Variants in TECPR1 observed in about 807,000 individuals in gnomAD.
TECPR1 encodes tectonin beta-propeller repeat-containing protein 1.
In TECPR1, 122 loss-of-function variants were observed where a neutral mutation model predicts 162.4. The ratio of observed to expected loss-of-function variants is 0.75; its 90% CI spans 0.65 to 0.87. The LOEUF (loss-of-function observed/expected upper bound fraction) is 0.87, where lower values mean the gene tolerates loss of function less well. Ranked by LOEUF, TECPR1 falls within the 40% of genes least tolerant of loss-of-function variation. The pLI, the probability that TECPR1 is intolerant of heterozygous loss-of-function variation, is 0.00. For missense variants in TECPR1, 1,432 were observed against 1,618.2 expected, an observed-to-expected ratio of 0.88 and a Z score of 1.97; for synonymous variants, 642 against 670.6, an observed-to-expected ratio of 0.96 and a Z score of 0.66.
intron 6 of TECPR1, among the ~76,000 whole-genome samples, chr7:98,242,867 C>T (rs1798794209): frequency 9.9e-6 from 1 of 101,202 alleles, no homozygotes; most frequent in African/African-American, 3.3e-5. Context: ...CACACATATA[C>T]CCACCTATCC....
intron 10 of TECPR1, among the ~76,000 whole-genome samples, chr7:98,235,842 A>AAAAAAAAAAC (rs1562940359): frequency 1.5e-5 from 2 of 132,600 alleles, no homozygotes; most frequent in African/African-American, 5.2e-5. Flanking sequence ...AAAAAAAAAA[A>AAAAAAAAAAC]AAAAAAAAAC....
At chr7:98,236,617 C>T (rs1438642617) in intron 10 of TECPR1, among the ~76,000 whole-genome samples, 159 bp downstream of exon 10, 2 of 151,420 alleles carry the variant, frequency 1.3e-5, no homozygotes, top group Non-Finnish European at 2.9e-5. Context: ...AGGAGGGCTT[C>T]GGCTCTTGTG....
intron 23 of TECPR1, among the ~76,000 whole-genome samples, chr7:98,218,602 C>T (rs1798074162): frequency 6.6e-6 from 1 of 152,156 alleles, no homozygotes; most frequent in Non-Finnish European, 1.5e-5. Flanking sequence ...ATCAAATTAA[C>T]CCCTTTTACA....
intron 17 of TECPR1, among the ~76,000 whole-genome samples, chr7:98,226,150 C>A (rs10953245): frequency 0.37 from 56,585 of 152,024 alleles, 12,727 homozygotes; most frequent in Middle Eastern, 0.62. Flanking sequence ...CCCTGTCCTC[C>A]GTCGGAACTG....
At chr7:98,236,691 G>T in intron 10 of TECPR1, 85 bp downstream of exon 10, 1 of 1,515,796 alleles carries the variant, frequency 6.6e-7, no homozygotes. Flanking sequence ...AGTGGGGCAG[G>T]TGGCAGCCTC....
intron 23 of TECPR1, among the ~76,000 whole-genome samples, chr7:98,218,274 C>G (rs1025372526): frequency 6.6e-6 from 1 of 152,220 alleles, no homozygotes; most frequent in Non-Finnish European, 1.5e-5. Context: ...GGGGCGTCCC[C>G]CGAGCCTCAT....
chr7:98,222,609 C>T (rs1798170885), intron 21 of TECPR1, 88 bp from the exon 22 acceptor site: 12 of 1,471,420 alleles, frequency 8.2e-6, no homozygotes, highest in Middle Eastern at 2.4e-4. Context: ...GGGCCTAGCG[C>T]GTGGGCAGCA....
At chr7:98,230,052 G>A (rs1161273172) in intron 15 of TECPR1, among the ~76,000 whole-genome samples, 1 of 149,870 alleles carries the variant, frequency 6.7e-6, no homozygotes, top group Non-Finnish European at 1.5e-5. Flanking sequence ...GTGCCGTGGT[G>A]TGAGTGTGAT....
chr7:98,219,967 C>T (rs1798103408), intron 23 of TECPR1, among the ~76,000 whole-genome samples: 1 of 152,050 alleles, frequency 6.6e-6, no homozygotes, highest in Non-Finnish European at 1.5e-5. Flanking sequence ...CACCACTAAT[C>T]ATCTGAGAAA....
intron 10 of TECPR1, among the ~76,000 whole-genome samples, chr7:98,235,241 T>C (rs1406732233): frequency 1.3e-5 from 2 of 152,098 alleles, no homozygotes; most frequent in African/African-American, 4.8e-5. Flanking sequence ...AACTAACAGC[T>C]GGGGCCAGGC....
chr7:98,247,701 C>T (rs566524213), intron 2 of TECPR1, among the ~76,000 whole-genome samples: 2 of 152,172 alleles, frequency 1.3e-5, no homozygotes, highest in South Asian at 4.1e-4. Context: ...CTGCCATTCT[C>T]TACTCCTTTC....
intron 17 of TECPR1, among the ~76,000 whole-genome samples, chr7:98,225,479 G>A (rs1396284976): frequency 6.6e-6 from 1 of 151,740 alleles, no homozygotes; most frequent in Non-Finnish European, 1.5e-5. Context: ...AGGTTGCAGT[G>A]AGCGGAGATC....
chr7:98,222,565 C>T, intron 21 of TECPR1, 44 bp from the exon 22 acceptor site: 1 of 1,541,018 alleles, frequency 6.5e-7, no homozygotes, highest in Non-Finnish European at 8.7e-7. Flanking sequence ...AGGGCCCCCA[C>T]CCCCAGGGCC....
chr7:98,228,131 G>A lies in TECPR1; in HGVS notation c.2411-15C>T, dbSNP rs1798326336. On this transcript the variant is annotated splice_polypyrimidine_tract_variant and intron_variant, in intron 16 of 25. Transcript: ENST00000447648. ...GCTGGCCAGGCCTGTGGGGAGAGGT[G>A]GCTGCTGGGACCGAGGCCACATACG... 1 of 1,599,702 alleles carries A rather than the reference G, an allele frequency of 6.3e-7. No homozygotes were observed. The highest frequency in any genetic ancestry group is 8.5e-7 in the Non-Finnish European group (1 of 1,171,684).
chr7:98,221,544 C>T lies in TECPR1; in HGVS notation c.3157+117G>A, dbSNP rs148019324. On this transcript the variant is annotated intron_variant, in intron 23 of 25. Transcript: ENST00000447648. ...TGCAGACCATGTTGGCCAGGCTGGTCTCGAACTCCTGATCTCAGGTGATCC... is the reference window on the plus strand; with the variant it reads ...TGCAGACCATGTTGGCCAGGCTGGTTTCGAACTCCTGATCTCAGGTGATCC... 1,889 of 820,674 alleles carry T rather than the reference C, an allele frequency of 2.3e-3. 17 individuals are homozygous for T. Among genetic ancestry groups the T allele is most frequent in the Middle Eastern group, 0.012 (40 of 3,204 alleles). 50.8% of individuals were successfully genotyped at this position (820,674 alleles called of 1,614,324 possible).
At position 98,244,677 on chromosome 7, in the gene TECPR1, A is replaced by T. The variant is rs776224132; in HGVS notation, c.425T>A (p.Ile142Asn). ...PTEKGGWTYA[I>N]DFPATYTKDK... is the part of the protein sequence containing the mutation. ...TTTCGTGTAGGTGGCGGGAAAGTCG[A>T]TGGCGTACGTCCACCCCTGAAACAC... Residue 142 changes from isoleucine to asparagine, a missense_variant, in exon 5 of 26, where the codon ATC becomes AAC. Physicochemically the swap from Ile to Asn is moderately radical, Grantham distance 149. Coordinates refer to ENST00000447648, the MANE Select transcript of TECPR1 (RefSeq NM_015395.3). 5 of 1,611,996 alleles carry T rather than the reference A, an allele frequency of 3.1e-6. No individual in the cohort carries two copies. In the Admixed American group the frequency reaches 8.3e-5, roughly 27 times the overall value.
chr7:98,243,640 C>T, intron 5 of TECPR1, 48 bp from the exon 6 acceptor site: 4 of 1,588,116 alleles, frequency 2.5e-6, no homozygotes, highest in African/African-American at 1.3e-5. Flanking sequence ...CCAGTGGGCA[C>T]CTGGGCATGC....
chr7:98,214,790 T>C lies in TECPR1; in HGVS notation c.*2600A>G, dbSNP rs572481575. 6.6e-6 allele frequency: 1 copy of C among 152,476 alleles called. No homozygotes were observed. Among genetic ancestry groups the C allele is most frequent in the South Asian group, 2.1e-4 (1 of 4,822 alleles). 9.4% of individuals were successfully genotyped at this position (152,476 alleles called of 1,614,324 possible). A position where few individuals can be genotyped will look rare whatever the true frequency, so the allele number is the denominator to read the frequency against. On this transcript the variant is annotated 3_prime_UTR_variant, in exon 26 of 26. Coordinates refer to ENST00000447648, the MANE Select transcript of TECPR1 (RefSeq NM_015395.3). ...CAGGAGTGCCTGGGGGTCACCGCCT[T>C]CAGGACAATGGCCTCAGTGGCTCTT... is the stretch of plus-strand genomic sequence containing the variant.
At chr7:98,247,239 C>T (rs766554384) in intron 2 of TECPR1, among the ~76,000 whole-genome samples, 4 of 152,030 alleles carry the variant, frequency 2.6e-5, no homozygotes, top group Non-Finnish European at 4.4e-5. Context: ...AACTCCTGGG[C>T]TCAAGTGATC....
Sources: allele counts gnomAD v4.1 joint callset (sites outside exome capture counted in the v4.1 genomes callset), GRCh38; gene constraint gnomAD v4.1.1; transcripts MANE v1.5; gene names NCBI Gene and HGNC (gene_info 2026-07-23, HGNC 2026-07-21).